The following PCDHGA8 variants were observed in gnomAD, a reference collection of about 807,000 sequenced individuals.
PCDHGA8 encodes protocadherin gamma subfamily A, 8.
In PCDHGA8, 45 loss-of-function variants were observed where a neutral mutation model predicts 59.2. The ratio of observed to expected loss-of-function variants is 0.76; its 90% confidence interval spans 0.60 to 0.98. The LOEUF (loss-of-function observed/expected upper bound fraction) is 0.98. Ranked by LOEUF, PCDHGA8 falls within the 50% of genes least tolerant of loss-of-function variation. The pLI is 0.00. For missense variants in PCDHGA8, 1,257 were observed against 1,196.2 expected, an observed-to-expected ratio of 1.05 and a Z score of -0.75; for synonymous variants, 531 against 519.0, an observed-to-expected ratio of 1.02 and a Z score of -0.32.
Position 141,489,384 on chromosome 5 carries a change from T to C in PCDHGA8, c.2425-5423T>C, listed in dbSNP as rs2099686499. The stretch of plus-strand genomic sequence containing the variant: ...AGCCGGGGACGCTGGTGGGGAATGT[T>C]GCTCAGGATCTGGGCTTAAAGATGA... On this transcript the variant is annotated intron_variant, in intron 1 of 3. Transcript: ENST00000398604. The surrounding 1 kb of genome is among the most constrained non-coding windows in gnomAD (Gnocchi z 4.5). 1 of 1,613,986 alleles carries C rather than the reference T, an allele frequency of 6.2e-7. No individual in the cohort carries two copies. The highest frequency in any genetic ancestry group is 8.5e-7 in the Non-Finnish European group (1 of 1,179,842).
At chr5:141,420,473 G>A (rs1016985115) in intron 1 of PCDHGA8, 8 of 707,118 alleles carry the variant, frequency 1.1e-5, no homozygotes, top group Non-Finnish European at 1.6e-5. Flanking sequence ...ACATTTTAAA[G>A]CAAACTACAT....
intron 1 of PCDHGA8, chr5:141,415,477 C>A (rs2095874299): frequency 1.9e-6 from 3 of 1,614,184 alleles, no homozygotes; most frequent in Non-Finnish European, 2.5e-6. Flanking sequence ...CGCGGACTCG[C>A]GAAAGAGTCA....
chr5:141,474,772 G>A (rs1053853138), intron 1 of PCDHGA8, among the ~76,000 whole-genome samples: 2 of 152,182 alleles, frequency 1.3e-5, no homozygotes, highest in Non-Finnish European at 2.9e-5. Flanking sequence ...AATAGTATGA[G>A]GCTCTAACAC....
intron 1 of PCDHGA8, chr5:141,396,067 T>C (rs924469652): frequency 6.6e-6 from 1 of 152,222 alleles, no homozygotes; most frequent in African/African-American, 2.4e-5. Context: ...GCTGTTTCGG[T>C]TGTGCATTGA....
At chr5:141,465,768 C>T (rs1414064889) in intron 1 of PCDHGA8, among the ~76,000 whole-genome samples, 1 of 151,916 alleles carries the variant, frequency 6.6e-6, no homozygotes, top group Non-Finnish European at 1.5e-5. Flanking sequence ...CATGTTTCAT[C>T]TCTTGTTACA....
chr5:141,490,009 A>T lies in PCDHGA8; in HGVS notation c.2425-4798A>T. Reference sequence around the variant, plus strand: ...TGTGGGAATCCCAGAGAATGCACCCATTGGTACTCTGCTGCTCCGCCTCAA... The same window carrying T: ...TGTGGGAATCCCAGAGAATGCACCCTTTGGTACTCTGCTGCTCCGCCTCAA... On this transcript the variant is annotated intron_variant, in intron 1 of 3. Transcript: ENST00000398604. The surrounding 1 kb of genome is among the most constrained non-coding windows in gnomAD (Gnocchi z 5.4). 5 of 1,614,214 alleles carry T rather than the reference A, an allele frequency of 3.1e-6. No individual in the cohort carries two copies. The highest frequency in any genetic ancestry group is 4.2e-6 in the Non-Finnish European group (5 of 1,180,032).
intron 1 of PCDHGA8, among the ~76,000 whole-genome samples, chr5:141,492,421 C>G (rs986772215): frequency 5.9e-5 from 9 of 152,250 alleles, no homozygotes; most frequent in African/African-American, 1.9e-4. Context: ...CTCCCTCCGC[C>G]GGGCTCAGGA....
At chr5:141,468,191 G>A (rs1420885521) in intron 1 of PCDHGA8, among the ~76,000 whole-genome samples, 1 of 151,860 alleles carries the variant, frequency 6.6e-6, no homozygotes, top group African/African-American at 2.4e-5. Flanking sequence ...TGGGCATGGT[G>A]GCGGGTGCCT....
chr5:141,476,562 C>A lies in PCDHGA8; in HGVS notation c.2425-18245C>A. On this transcript the variant is annotated intron_variant, in intron 1 of 3. Transcript: ENST00000398604. This position sits in a 1 kb window ranked among gnomAD's most constrained non-coding sequence, Gnocchi z 7.6. ...AAATTGGAGATTAGCGAGGCCGTGG[C>A]TCCGGGGACGCGCTTTCCGCTCGAG... 1 of 1,614,218 alleles carries A rather than the reference C, an allele frequency of 6.2e-7. No homozygotes were observed. The highest frequency in any genetic ancestry group is 8.5e-7 in the Non-Finnish European group (1 of 1,180,034).
At chr5:141,464,759 ACAGG>A (rs2099090169) in intron 1 of PCDHGA8, among the ~76,000 whole-genome samples, 1 of 152,158 alleles carries the variant, frequency 6.6e-6, no homozygotes, top group Non-Finnish European at 1.5e-5. Context: ...TTTTTTAGAG[ACAGG>A]AATCTTGTTC....
At chr5:141,418,746 A>G in intron 1 of PCDHGA8, 1 of 1,613,974 alleles carries the variant, frequency 6.2e-7, no homozygotes, top group Non-Finnish European at 8.5e-7. Context: ...TCTCTGGATT[A>G]CACTACAGGA....
intron 1 of PCDHGA8, chr5:141,413,082 A>G: frequency 7.4e-7 from 1 of 1,344,446 alleles, no homozygotes; most frequent in African/African-American, 1.5e-5. Context: ...CCCAGGCTAC[A>G]GAGACACCCT....
intron 1 of PCDHGA8, among the ~76,000 whole-genome samples, chr5:141,402,220 C>T (rs1489596372): frequency 2.0e-5 from 3 of 151,886 alleles, no homozygotes; most frequent in African/African-American, 2.4e-5. Context: ...TTAAAATAAA[C>T]GTTTTTCCAG....
At position 141,423,043 on chromosome 5, in the gene PCDHGA8, T is replaced by C. The variant is rs940921497; in HGVS notation, c.2424+27806T>C. 10 of 1,614,058 alleles carry C rather than the reference T, an allele frequency of 6.2e-6. No homozygotes were observed. The Admixed American group carries it at 1.5e-4, about 24-fold the overall frequency. ...AGATTCAGGCCAGAACGCCTGGCTG[T>C]CCTATCGCCTGCTTAAGGCCAGCGA... is the stretch of plus-strand genomic sequence containing the variant. On this transcript the variant is annotated intron_variant, in intron 1 of 3. Transcript: ENST00000398604.
At chr5:141,430,682 C>A (rs2097302907) in intron 1 of PCDHGA8, 1 of 1,361,564 alleles carries the variant, frequency 7.3e-7, no homozygotes, top group South Asian at 1.7e-5. Flanking sequence ...CCAACTGTCC[C>A]ATTCTATGGG....
At position 141,394,506 on chromosome 5, in the gene PCDHGA8, C is replaced by G; in HGVS notation, c.1693C>G (p.Pro565Ala). Residue 565 changes from proline (P) to alanine (A), a missense_variant, in exon 1 of 4, where the codon CCC (proline) becomes GCC (alanine). By Grantham distance (27) the Pro-to-Ala change is conservative. Transcript: ENST00000398604. The stretch of plus-strand genomic sequence containing the variant: ...TGACAACGCGCCCGAGATCCTGTAC[C>G]CCGCCCTCCCCACAGACGGTTCCAC... Reference protein sequence around the residue: ...QNDNAPEILYPALPTDGSTGV... With the variant: ...QNDNAPEILYAALPTDGSTGV... The G allele has an allele frequency of 1.2e-6, 2 of 1,614,214 alleles. No homozygotes were observed. Among genetic ancestry groups the G allele is most frequent in the Non-Finnish European group, 1.7e-6 (2 of 1,180,030 alleles).
At position 141,433,142 on chromosome 5, in the gene PCDHGA8, G is replaced by T. The variant is rs2097571106; in HGVS notation, c.2424+37905G>T. On this transcript the variant is annotated intron_variant, in intron 1 of 3. Coordinates refer to ENST00000398604, the MANE Select transcript of PCDHGA8 (RefSeq NM_032088.2). ...AAAAAGCGAGCCCCTTTTGCTGTCA[G>T]GTGATTCGGTATTTTCTAAAGACAG... The T allele has an allele frequency of 4.7e-5, 76 of 1,613,992 alleles. No homozygotes were observed. Among genetic ancestry groups the T allele is most frequent in the Non-Finnish European group, 6.4e-5 (76 of 1,180,016 alleles).
rs200843744 is a variant in PCDHGA8, at chr5:141,491,417, G to C, written c.2425-3390G>C. 18 of 1,613,988 alleles carry C rather than the reference G, an allele frequency of 1.1e-5. No individual in the cohort carries two copies. Among genetic ancestry groups the C allele is most frequent in the Admixed American group, 5.0e-5 (3 of 60,006 alleles). ...CAGGGAAACGCAGACGGGGACGGGGGTGGAGGGCAGTGCTGCAGGCGCCAG... is the reference window on the plus strand; with the variant it reads ...CAGGGAAACGCAGACGGGGACGGGGCTGGAGGGCAGTGCTGCAGGCGCCAG... On this transcript the variant is annotated intron_variant, in intron 1 of 3. Transcript: ENST00000398604. This position sits in a 1 kb window ranked among gnomAD's most constrained non-coding sequence, Gnocchi z 6.9.
intron 3 of PCDHGA8, 72 bp from the exon 4 acceptor site, chr5:141,510,875 C>T: frequency 6.2e-7 from 1 of 1,610,120 alleles, no homozygotes; most frequent in Admixed American, 1.7e-5. Context: ...TCATTAACTG[C>T]TGGGGATATA....
Sources: allele counts gnomAD v4.1 joint callset (sites outside exome capture counted in the v4.1 genomes callset), GRCh38; gene constraint gnomAD v4.1.1; non-coding constraint Gnocchi (gnomAD v3.1); transcripts MANE v1.5; gene names NCBI Gene and HGNC (gene_info 2026-07-23, HGNC 2026-07-21).